Variants in CDK6 observed in about 807,000 individuals in gnomAD.
CDK6 encodes the protein cyclin dependent kinase 6, also known as cyclin-dependent kinase 6.
Under a neutral mutation model 37.1 loss-of-function variants are expected in CDK6, and 6 were observed. The ratio of observed to expected loss-of-function variants is 0.16; its 90% CI spans 0.09 to 0.32. The LOEUF (loss-of-function observed/expected upper bound fraction) is 0.32, where lower values mean the gene tolerates loss of function less well. Among genes scored for constraint, CDK6 ranks in the 10% least tolerant of loss-of-function variants. CDK6 has a pLI of 1.00. For synonymous variants in CDK6, 160 were observed against 161.3 expected, an observed-to-expected ratio of 0.99 and a Z score of 0.06; for missense variants, 224 against 418.9, an observed-to-expected ratio of 0.53 and a Z score of 4.06.
intron 2 of CDK6, 40 bp from the exon 3 acceptor site, chr7:92,774,871 G>A (rs752581664): frequency 6.3e-7 from 1 of 1,586,296 alleles, no homozygotes; most frequent in Non-Finnish European, 8.6e-7. Flanking sequence ...GTGGCAATAA[G>A]CAAAGAAGTA....
intron 4 of CDK6, among the ~76,000 whole-genome samples, chr7:92,721,662 CTT>C (rs1284210767): frequency 2.6e-5 from 4 of 152,148 alleles, no homozygotes; most frequent in Non-Finnish European, 5.9e-5. Context: ...ACATTTAACT[CTT>C]TGATTAGTCC....
chr7:92,625,253 CA>C, intron 5 of CDK6, among the ~76,000 whole-genome samples: 1 of 151,376 alleles, frequency 6.6e-6, no homozygotes, highest in African/African-American at 2.4e-5. Flanking sequence ...CACACACACA[CA>C]CACACCTCTC....
intron 5 of CDK6, among the ~76,000 whole-genome samples, chr7:92,668,495 G>T (rs1797007416): frequency 6.6e-6 from 1 of 152,296 alleles, no homozygotes; most frequent in Non-Finnish European, 1.5e-5. Context: ...AGGTGATAAA[G>T]AAAGGACAAA....
chr7:92,739,559 T>C (rs1288167843), intron 3 of CDK6, among the ~76,000 whole-genome samples: 9 of 152,240 alleles, frequency 5.9e-5, no homozygotes, highest in Admixed American at 2.6e-4. Context: ...CCCAAACACA[T>C]ATCTAACAAG....
chr7:92,664,143 AAAAAT>A (rs926447160), intron 5 of CDK6, among the ~76,000 whole-genome samples: 1 of 152,190 alleles, frequency 6.6e-6, no homozygotes, highest in African/African-American at 2.4e-5. Flanking sequence ...TCTGCCTCAA[AAAAAT>A]AAAATAAAAA....
At position 92,759,711 on chromosome 7, in the gene CDK6, A is replaced by C. The variant is rs1027903622; in HGVS notation, c.369+14985T>G. Among the ~76,000 whole-genome samples the C allele has an allele frequency of 1.3e-5, 2 of 151,348 alleles. 1 individual carries two copies. Among genetic ancestry groups the C allele is most frequent in the South Asian group, 4.2e-4 (2 of 4,798 alleles). ...AGACTTTAAGGCAAAAAAAAAAAAA[A>C]AAAAAGAAAAAAGAAAGCTTAAAAA... On this transcript the variant is annotated intron_variant, in intron 3 of 7. Transcript: ENST00000424848.
chr7:92,826,320 C>T (rs1014922661), intron 2 of CDK6, among the ~76,000 whole-genome samples: 3 of 152,172 alleles, frequency 2.0e-5, no homozygotes, highest in Non-Finnish European at 2.9e-5. Context: ...GGGACAGATA[C>T]AAGCTAAGTG....
intron 5 of CDK6, among the ~76,000 whole-genome samples, chr7:92,661,601 C>T (rs1796836565): frequency 6.6e-6 from 1 of 152,098 alleles, no homozygotes. Context: ...AATATATTTA[C>T]TATTCATTAA....
intron 4 of CDK6, among the ~76,000 whole-genome samples, chr7:92,681,838 C>T (rs1479183342): frequency 2.0e-5 from 3 of 152,172 alleles, no homozygotes; most frequent in Non-Finnish European, 4.4e-5. Context: ...TGTCCCCACC[C>T]CCGCTCCAAT....
intron 5 of CDK6, among the ~76,000 whole-genome samples, chr7:92,648,210 G>A (rs1796494501): frequency 6.6e-6 from 1 of 152,178 alleles, no homozygotes; most frequent in South Asian, 2.1e-4. Context: ...TGTAGCTACT[G>A]CTATTGCTGT....
chr7:92,726,233 C>G (rs1230299743), intron 3 of CDK6, among the ~76,000 whole-genome samples: 6 of 152,098 alleles, frequency 3.9e-5, no homozygotes, highest in African/African-American at 1.2e-4. Flanking sequence ...GCACCTAGTA[C>G]TAAACACTCA....
chr7:92,727,255 T>C (rs994809987), intron 3 of CDK6, among the ~76,000 whole-genome samples: 2 of 152,148 alleles, frequency 1.3e-5, no homozygotes, highest in African/African-American at 4.8e-5. Flanking sequence ...GGTACCACCA[T>C]GGATTTCAGA....
At chr7:92,774,636 A>G (rs2115783188) in intron 3 of CDK6, 60 bp downstream of exon 3, 2 of 1,415,464 alleles carry the variant, frequency 1.4e-6, no homozygotes, top group Non-Finnish European at 1.9e-6. Flanking sequence ...AAAGAAAGCC[A>G]TTGCTTAACA....
intron 7 of CDK6, among the ~76,000 whole-genome samples, chr7:92,616,907 A>T (rs955286255): frequency 5.9e-5 from 9 of 152,202 alleles, no homozygotes; most frequent in Non-Finnish European, 1.3e-4. Context: ...TGGTTAAAAA[A>T]AAGGTGTTTA....
chr7:92,830,549 C>T (rs1251398919), intron 2 of CDK6, among the ~76,000 whole-genome samples: 1 of 152,170 alleles, frequency 6.6e-6, no homozygotes, highest in Non-Finnish European at 1.5e-5. Context: ...CCAACTTTGA[C>T]AACTCTCCCT....
intron 4 of CDK6, among the ~76,000 whole-genome samples, chr7:92,710,294 C>T (rs1798061202): frequency 6.6e-6 from 1 of 152,102 alleles, no homozygotes; most frequent in Non-Finnish European, 1.5e-5. Context: ...GATTGTCTTC[C>T]CTGATTAAAG....
chr7:92,763,821 A>G (rs1287087131), intron 3 of CDK6, among the ~76,000 whole-genome samples: 1 of 152,010 alleles, frequency 6.6e-6, no homozygotes, highest in Non-Finnish European at 1.5e-5. Context: ...GGGGGTTGGG[A>G]GTATGTCTTA....
intron 7 of CDK6, among the ~76,000 whole-genome samples, chr7:92,617,369 G>A (rs1375874070): frequency 6.6e-6 from 1 of 152,228 alleles, no homozygotes; most frequent in Non-Finnish European, 1.5e-5. Flanking sequence ...ACATGGAGAA[G>A]ACCTGTGCTT....
intron 3 of CDK6, among the ~76,000 whole-genome samples, chr7:92,765,730 A>G (rs895699352): frequency 3.3e-5 from 5 of 152,194 alleles, no homozygotes; most frequent in African/African-American, 1.2e-4. Context: ...GTCTTGACTT[A>G]AAGTCTCATC....
Sources: allele counts gnomAD v4.1 joint callset (sites outside exome capture counted in the v4.1 genomes callset), GRCh38; gene constraint gnomAD v4.1.1; transcripts MANE v1.5; gene names NCBI Gene and HGNC (gene_info 2026-07-23, HGNC 2026-07-21).